CACNG6: variants seen among roughly 807,000 people sequenced by gnomAD.
CACNG6 encodes the protein voltage-dependent calcium channel gamma-6 subunit.
Under a neutral mutation model 23.9 loss-of-function variants are expected in CACNG6, and 21 were observed. The ratio of observed to expected loss-of-function variants is 0.88; its 90% CI spans 0.62 to 1.26. The LOEUF is 1.26. Ranked by LOEUF, CACNG6 falls within the 50% of genes most tolerant of loss-of-function variation. CACNG6 has a pLI of 0.00. For missense variants in CACNG6, 340 were observed against 352.9 expected, an observed-to-expected ratio of 0.96 and a Z score of 0.29; for synonymous variants, 182 against 168.9, an observed-to-expected ratio of 1.08 and a Z score of -0.60.
intron 3 of CACNG6, among the ~76,000 whole-genome samples, chr19:54,005,435 C>CA (rs59213646): frequency 0.054 from 7,941 of 145,844 alleles, 273 homozygotes; most frequent in East Asian, 0.074. Context: ...AACCTGATCT[C>CA]AAAAAAAAAT....
chr19:53,991,476 C>T (rs112708899), upstream of CACNG6, among the ~76,000 whole-genome samples: 10 of 152,108 alleles, frequency 6.6e-5, no homozygotes, highest in Admixed American at 3.3e-4. Flanking sequence ...CTCCCTCCCC[C>T]CTTCCTCGTC....
Position 54,002,278 on chromosome 19 carries a change from T to G in CACNG6, c.544+2507T>G, listed in dbSNP as rs867236739. Among the ~76,000 whole-genome samples, 21 of 138,468 alleles carry G rather than the reference T, an allele frequency of 1.5e-4. 1 individual carries two copies. The highest frequency in any genetic ancestry group is 5.9e-4 in the African/African-American group (19 of 32,434). 90.8% of individuals were successfully genotyped at this position (138,468 alleles called of 152,430 possible). A position where few individuals can be genotyped will look rare whatever the true frequency, so the allele number is the denominator to read the frequency against. On this transcript the variant is annotated intron_variant, in intron 3 of 3. Transcript: ENST00000252729. The stretch of plus-strand genomic sequence containing the variant: ...CCGGCTAATTTTCGGTTTTTTTGTT[T>G]TTTTTGTTTTTTTTTTTTTTGTAGA...
chr19:53,998,221 T>C lies in CACNG6; in HGVS notation c.332-18T>C. ...ACCTCACATCCTCATGTCTGTTTTC[T>C]CTCTCCTGCTCCCACAGAAGCAAAC... On this transcript the variant is annotated intron_variant, in intron 1 of 3. Coordinates refer to ENST00000252729, the MANE Select transcript of CACNG6 (RefSeq NM_145814.2). 2 of 1,611,106 alleles carry C rather than the reference T, an allele frequency of 1.2e-6. No individual in the cohort carries two copies. The highest frequency in any genetic ancestry group is 1.7e-6 in the Non-Finnish European group (2 of 1,177,386).
intron 2 of CACNG6, among the ~76,000 whole-genome samples, chr19:53,999,357 G>A (rs1350449153): frequency 6.6e-6 from 1 of 152,122 alleles, no homozygotes; most frequent in Non-Finnish European, 1.5e-5. Context: ...GTAAACCAGT[G>A]GTAACCAGAT....
In CACNG6 at chr19:54,012,072, C is replaced by T. The variant is rs745367034; in HGVS notation, c.666C>T (p.Gly222=). The T allele has an allele frequency of 1.3e-6, 2 of 1,596,412 alleles. No homozygotes were observed. Among genetic ancestry groups the T allele is most frequent in the Non-Finnish European group, 1.7e-6 (2 of 1,172,762 alleles). The part of the protein sequence containing the change: ...RLTYEYSWSL[G]CGVGAGLILL... ...CCTACGAGTACTCCTGGTCCCTGGG[C>T]TGCGGCGTGGGGGCCGGCCTGATCC... The change falls in exon 4 of 4, where the codon GGC becomes GGT. Residue 222 remains glycine, a synonymous_variant. Transcript: ENST00000252729.
chr19:54,010,040 C>CTTTTTTTT (rs34229634), intron 3 of CACNG6, among the ~76,000 whole-genome samples: 3 of 125,358 alleles, frequency 2.4e-5, no homozygotes, highest in Non-Finnish European at 4.8e-5. Flanking sequence ...TCTTTTCTTT[C>CTTTTTTTT]TTTTTTTTTT....
intron 3 of CACNG6, 95 bp downstream of exon 3, chr19:53,999,866 T>A: frequency 6.9e-7 from 1 of 1,451,946 alleles, no homozygotes; most frequent in Non-Finnish European, 9.4e-7. Flanking sequence ...TATGCACTGT[T>A]GCACGCTCAG....
chr19:53,999,860 CA>C lies in CACNG6; in HGVS notation c.544+90del, dbSNP rs1370278961. ...CATGCTGGGAGATGGGGTCTCTATG[CA>C]CTGTTGCACGCTCAGAGATGGAATC... is the stretch of plus-strand genomic sequence containing the variant. On this transcript the variant is annotated intron_variant, in intron 3 of 3. Transcript: ENST00000252729. 2.7e-6 allele frequency: 4 copies of C among 1,472,754 alleles called. No individual in the cohort carries two copies. The African/African-American group carries it at 5.6e-5, about 21-fold the overall frequency. The allele number at this position is 1,472,754 out of a possible 1,614,324, so 91.2% of individuals were successfully genotyped here. A position where few individuals can be genotyped will look rare whatever the true frequency, so the allele number is the denominator to read the frequency against.
chr19:54,004,521 A>G (rs953643626), intron 3 of CACNG6, among the ~76,000 whole-genome samples: 1 of 152,012 alleles, frequency 6.6e-6, no homozygotes, highest in African/African-American at 2.4e-5. Flanking sequence ...CCTGGCCCCT[A>G]AGTGATACTT....
At chr19:54,011,227 T>TACACAC (rs1555819814) in intron 3 of CACNG6, among the ~76,000 whole-genome samples, 5 of 95,328 alleles carry the variant, frequency 5.2e-5, no homozygotes, top group African/African-American at 2.3e-4. Context: ...TATATATATA[T>TACACAC]ACACACACAC....
intron 3 of CACNG6, among the ~76,000 whole-genome samples, chr19:54,009,325 G>A (rs1472284946): frequency 3.3e-5 from 5 of 150,942 alleles, no homozygotes; most frequent in African/African-American, 1.2e-4. Context: ...GGAGGCTGAG[G>A]CAGGAGAATC....
upstream of CACNG6, among the ~76,000 whole-genome samples, chr19:53,991,262 C>T (rs1332210027): frequency 1.3e-5 from 2 of 151,840 alleles, no homozygotes; most frequent in African/African-American, 2.4e-5. Context: ...CCCTTAGGGA[C>T]CCAAGACTCC....
At chr19:54,005,458 AAAAAT>A (rs2069633135) in intron 3 of CACNG6, among the ~76,000 whole-genome samples, 1 of 150,528 alleles carries the variant, frequency 6.6e-6, no homozygotes, top group African/African-American at 2.4e-5. Flanking sequence ...ATAAAAATTT[AAAAAT>A]AAAATAAACT....
At chr19:54,010,505 T>C (rs772166522) in intron 3 of CACNG6, among the ~76,000 whole-genome samples, 2 of 152,132 alleles carry the variant, frequency 1.3e-5, no homozygotes, top group African/African-American at 4.8e-5. Context: ...GAAAAAAAAG[T>C]TGTGGGAAAA....
At chr19:53,998,597 C>T (rs113746313) in intron 2 of CACNG6, among the ~76,000 whole-genome samples, 11,008 of 151,176 alleles carry the variant, frequency 0.073, 477 homozygotes, top group African/African-American at 0.1. Flanking sequence ...CTGCAACCTC[C>T]GCCTCCCAGG....
chr19:54,009,448 T>TAA (rs55798486), intron 3 of CACNG6, among the ~76,000 whole-genome samples: 23 of 102,542 alleles, frequency 2.2e-4, no homozygotes, highest in South Asian at 1.3e-3. Context: ...AGACTCCATC[T>TAA]AAAAAAAAAA....
intron 3 of CACNG6, among the ~76,000 whole-genome samples, 187 bp from the exon 4 acceptor site, chr19:54,011,761 GTTT>G (rs34372297): frequency 1.7e-3 from 232 of 140,312 alleles, no homozygotes; most frequent in African/African-American, 5.9e-3. Context: ...TTTGTGTCTT[GTTT>G]TTTTTTTTCT....
In CACNG6 at chr19:54,002,281, T is replaced by G. The variant is rs1399101659; in HGVS notation, c.544+2510T>G. ...GCTAATTTTCGGTTTTTTTGTTTTTTTTGTTTTTTTTTTTTTTGTAGAGAT... is the reference window on the plus strand; with the variant it reads ...GCTAATTTTCGGTTTTTTTGTTTTTGTTGTTTTTTTTTTTTTTGTAGAGAT... On this transcript the variant is annotated intron_variant, in intron 3 of 3. Transcript: ENST00000252729. Among the ~76,000 whole-genome samples, 9 of 134,246 alleles carry G rather than the reference T, an allele frequency of 6.7e-5. 1 individual carries two copies. Among genetic ancestry groups the G allele is most frequent in the East Asian group, 4.6e-4 (2 of 4,380 alleles). The allele number at this position is 134,246 out of a possible 152,430, so 88.1% of individuals were successfully genotyped here. A position where few individuals can be genotyped will look rare whatever the true frequency, so the allele number is the denominator to read the frequency against.
At chr19:54,000,093 T>A (rs962864550) in intron 3 of CACNG6, among the ~76,000 whole-genome samples, 1 of 152,004 alleles carries the variant, frequency 6.6e-6, no homozygotes. Flanking sequence ...TGTCCAAACA[T>A]TGTTTTAGAT....
Sources: gnomAD v4.1 joint callset for allele counts (sites outside exome capture counted in the v4.1 genomes callset) on GRCh38, gnomAD v4.1.1 for gene constraint, MANE v1.5 for transcripts, NCBI Gene and HGNC (gene_info 2026-07-23, HGNC 2026-07-21) for gene names.